The following SLC1A5 variants were observed in gnomAD, a reference collection of about 807,000 sequenced individuals.
SLC1A5 encodes the protein neutral amino acid transporter B(0).
SLC1A5 carries 25 observed loss-of-function variants against 34.9 expected under a neutral mutation model. That is an observed-to-expected ratio of 0.72 (90% CI 0.52 to 1.00). The LOEUF (loss-of-function observed/expected upper bound fraction) is 1.00, where lower values mean the gene tolerates loss of function less well. Ranked by LOEUF, SLC1A5 falls within the 50% of genes least tolerant of loss-of-function variation. The pLI is 0.00. For missense variants in SLC1A5, 637 were observed against 740.0 expected (o/e 0.86, Z 1.61); for synonymous variants, 351 against 341.2 (o/e 1.03, Z -0.32).
intron 5 of SLC1A5, 68 bp from the exon 6 acceptor site, chr19:46,777,473 A>C: frequency 6.9e-7 from 1 of 1,449,378 alleles, no homozygotes; most frequent in South Asian, 1.4e-5. Context: ...CTCCAGGTCC[A>C]GCCCAGGTGA....
chr19:46,788,080 A>AGACTGGAGGTG lies in SLC1A5; in HGVS notation c.-116_-115insCACCTCCAGTC. On this transcript the variant is annotated 5_prime_UTR_variant, in exon 1 of 8. Coordinates refer to ENST00000542575, the MANE Select transcript of SLC1A5 (RefSeq NM_005628.3). ...TGAGTAACAGCACCTGGAGACTGGA[A>AGACTGGAGGTG]CTTTGGAGGGCTCCTTAGAGTTGTG... 1.1e-6 allele frequency: 1 copy of AGACTGGAGGTG among 937,788 alleles called. No homozygotes were observed. Among genetic ancestry groups the AGACTGGAGGTG allele is most frequent in the South Asian group, 1.8e-5 (1 of 56,146 alleles). 58.1% of individuals were successfully genotyped at this position (937,788 alleles called of 1,614,324 possible).
intron 4 of SLC1A5, among the ~76,000 whole-genome samples, chr19:46,780,737 G>A (rs1464203800): frequency 1.3e-5 from 2 of 151,930 alleles, no homozygotes; most frequent in African/African-American, 2.4e-5. Flanking sequence ...TTGGGAGGCC[G>A]AAGAGGGCGG....
intron 3 of SLC1A5, among the ~76,000 whole-genome samples, chr19:46,783,481 A>AAAAG (rs942285840): frequency 3.6e-5 from 5 of 140,328 alleles, no homozygotes; most frequent in African/African-American, 7.7e-5. Flanking sequence ...AAAAAAAAAA[A>AAAAG]AAAGAAAGAA....
intron 3 of SLC1A5, among the ~76,000 whole-genome samples, chr19:46,783,401 G>A (rs539763731): frequency 5.2e-4 from 78 of 150,966 alleles, no homozygotes; most frequent in African/African-American, 1.9e-3. Context: ...GGGAGGCGGA[G>A]GTTGCAGTGA....
At chr19:46,784,789 G>A (rs1335730635) in intron 1 of SLC1A5, 2 of 1,435,636 alleles carry the variant, frequency 1.4e-6, no homozygotes, top group East Asian at 5.0e-5. Flanking sequence ...TGGCGTGCTA[G>A]CCCTGAGGCA....
intron 4 of SLC1A5, among the ~76,000 whole-genome samples, chr19:46,780,742 G>A (rs2055139563): frequency 6.6e-6 from 1 of 151,984 alleles, no homozygotes; most frequent in Non-Finnish European, 1.5e-5. Context: ...AGGCCGAAGA[G>A]GGCGGATCGC....
At position 46,788,223 on chromosome 19, in the gene SLC1A5, C is replaced by G. The variant is rs904001061; in HGVS notation, c.-258G>C. 2.2e-6 allele frequency: 1 copy of G among 456,434 alleles called. No individual in the cohort carries two copies. The highest frequency in any genetic ancestry group is 2.1e-5 in the African/African-American group (1 of 48,526). 28.3% of individuals were successfully genotyped at this position (456,434 alleles called of 1,614,324 possible). A position where few individuals can be genotyped will look rare whatever the true frequency, so the allele number is the denominator to read the frequency against. On this transcript the variant is annotated 5_prime_UTR_variant, in exon 1 of 8. Coordinates refer to ENST00000542575, the MANE Select transcript of SLC1A5 (RefSeq NM_005628.3). ...GCCAGATGTCCGAAAGCTGGGAGTTCGGAGCGCCCGGGTTCCTTGGCCCTA... is the reference window on the plus strand; with the variant it reads ...GCCAGATGTCCGAAAGCTGGGAGTTGGGAGCGCCCGGGTTCCTTGGCCCTA...
chr19:46,784,451 G>A, intron 2 of SLC1A5, 66 bp downstream of exon 2: 1 of 1,587,738 alleles, frequency 6.3e-7, no homozygotes, highest in Non-Finnish European at 8.6e-7. Flanking sequence ...AGGTAGCAAG[G>A]GCTCCCCCTG....
At chr19:46,782,637 C>CA (rs2055156527) in intron 3 of SLC1A5, 88 bp from the exon 4 acceptor site, 3 of 1,499,928 alleles carry the variant, frequency 2.0e-6, no homozygotes, top group Non-Finnish European at 2.7e-6. Flanking sequence ...CACTGGGACC[C>CA]AGCAGAGACA....
rs1271426816 is a variant in SLC1A5, at chr19:46,787,806, G to A, written c.160C>T (p.Leu54Phe). Residue 54 changes from leucine (L) to phenylalanine (F), a missense_variant, in exon 1 of 8, where the codon CTT (leucine) becomes TTT (phenylalanine). Transcript: ENST00000542575. This position sits in a 1 kb window ranked among gnomAD's most constrained non-coding sequence, Gnocchi z 5.2. ...QVRRCLRANL[L>F]VLLTVVAVVA... ...ACGGCCACCACTGTCAGCAGCACAA[G>A]CAGGTTGGCTCGAAGGCAGCGGCGC... The A allele has an allele frequency of 6.4e-7, 1 of 1,551,712 alleles. No homozygotes were observed. The highest frequency in any genetic ancestry group is 8.7e-7 in the Non-Finnish European group (1 of 1,149,074).
rs1033138662 is a variant in SLC1A5 at position 46,780,179 on chromosome 19, A to C, written c.825-1271T>G. On this transcript the variant is annotated intron_variant, in intron 4 of 7. Coordinates refer to ENST00000542575, the MANE Select transcript of SLC1A5 (RefSeq NM_005628.3). ...CCAGTTTCTTAAACAACAACAACAA[A>C]AAAAATGAGCTAGGCTTTGTGGCTG... Among the ~76,000 whole-genome samples the C allele has an allele frequency of 5.3e-5, 8 of 151,636 alleles. No homozygotes were observed. The South Asian group carries it at 8.3e-4, about 16-fold the overall frequency.
chr19:46,779,668 C>T (rs2055129649), intron 4 of SLC1A5, among the ~76,000 whole-genome samples: 1 of 152,082 alleles, frequency 6.6e-6, no homozygotes, highest in Non-Finnish European at 1.5e-5. Context: ...GAGGTGAAAG[C>T]AGGAGGATTA....
intron 1 of SLC1A5, among the ~76,000 whole-genome samples, chr19:46,786,594 A>G (rs2055188172): frequency 1.3e-5 from 2 of 152,174 alleles, no homozygotes; most frequent in South Asian, 4.1e-4. Flanking sequence ...CCCAACTTCC[A>G]GGAAGTCCCC....
intron 5 of SLC1A5, 112 bp downstream of exon 5, chr19:46,778,563 C>T: frequency 1.4e-6 from 1 of 719,120 alleles, no homozygotes; most frequent in Middle Eastern, 3.9e-4. Context: ...TGAGAATCTC[C>T]TGAAGTATGG....
chr19:46,777,417 G>C lies in SLC1A5; in HGVS notation c.1059-12C>G, dbSNP rs192206274. The stretch of plus-strand genomic sequence containing the variant: ...GCAGCGTGGCGGAACTGCAAGGGAT[G>C]GGGGAGCTGAGTTAGGTTAACCTGC... On this transcript the variant is annotated splice_polypyrimidine_tract_variant and intron_variant, in intron 5 of 7. Coordinates refer to ENST00000542575, the MANE Select transcript of SLC1A5 (RefSeq NM_005628.3). The C allele has an allele frequency of 4.5e-4, 726 of 1,598,902 alleles. No individual in the cohort carries two copies. The African/African-American group carries it at 7.7e-3, about 17-fold the overall frequency.
At position 46,775,052 on chromosome 19, in the gene SLC1A5, AACACACACACACAC is replaced by A. The variant is rs55753437; in HGVS notation, c.*444_*457del. The A allele has an allele frequency of 2.5e-4, 249 of 977,416 alleles. No individual in the cohort carries two copies. The highest frequency in any genetic ancestry group is 1.9e-3 in the East Asian group (16 of 8,534). 60.5% of individuals were successfully genotyped at this position (977,416 alleles called of 1,614,324 possible). A position where few individuals can be genotyped will look rare whatever the true frequency, so the allele number is the denominator to read the frequency against. On this transcript the variant is annotated 3_prime_UTR_variant, in exon 8 of 8. Transcript: ENST00000542575. ...GTACCATGGGGACAGGAGGTCACAG[AACACACACACACAC>A]ACACACACACACACACACACACACG... is the stretch of plus-strand genomic sequence containing the variant.
At chr19:46,776,605 T>C (rs528281746) in intron 7 of SLC1A5, 6 of 199,258 alleles carry the variant, frequency 3.0e-5, no homozygotes, top group Admixed American at 5.3e-5. Flanking sequence ...GAGGTGTGTC[T>C]GTTATCTAAT....
chr19:46,782,439 G>T lies in SLC1A5; in HGVS notation c.768C>A (p.Ile256=). Residue 256 remains isoleucine (I), a synonymous_variant, in exon 4 of 8, where the codon ATC becomes ATA. Transcript: ENST00000542575. Reference sequence around the variant, plus strand: ...CCTCATTGAAGGAGTTGAAGAAGCGGATAAGCAGCTCCCCTTCAGGCCCCA... The same window carrying T: ...CCTCATTGAAGGAGTTGAAGAAGCGTATAAGCAGCTCCCCTTCAGGCCCCA... ...RKLGPEGELL[I]RFFNSFNEAT... 6.2e-7 allele frequency: 1 copy of T among 1,613,616 alleles called. No individual in the cohort carries two copies. Among genetic ancestry groups the T allele is most frequent in the Non-Finnish European group, 8.5e-7 (1 of 1,179,894 alleles).
chr19:46,786,766 G>A (rs1036148330), intron 1 of SLC1A5, among the ~76,000 whole-genome samples: 1 of 152,176 alleles, frequency 6.6e-6, no homozygotes, highest in African/African-American at 2.4e-5. Context: ...CTTCTGGGCT[G>A]CCTGCTAGGG....
Sources: allele counts gnomAD v4.1 joint callset (sites outside exome capture counted in the v4.1 genomes callset), GRCh38; gene constraint gnomAD v4.1.1; non-coding constraint Gnocchi (gnomAD v3.1); transcripts MANE v1.5; gene names NCBI Gene and HGNC (gene_info 2026-07-23, HGNC 2026-07-21).